Variants in SLC6A15 observed in about 807,000 individuals in gnomAD.
SLC6A15 encodes solute carrier family 6 member 15, also known as sodium-dependent neutral amino acid transporter B(0)AT2.
A neutral mutation model predicts 68.5 loss-of-function variants in SLC6A15; 33 were observed. That is an observed-to-expected ratio of 0.48 (90% CI 0.37 to 0.64). The LOEUF (loss-of-function observed/expected upper bound fraction) is 0.64. SLC6A15 is among the 30% of genes least tolerant of loss of function. The probability of loss-of-function intolerance (pLI) is 0.00; values close to 1 mark genes in which losing one functional copy is unlikely to be tolerated. For missense variants in SLC6A15, 747 were observed against 874.3 expected (o/e 0.85, Z 1.84); for synonymous variants, 347 against 301.0 (o/e 1.15, Z -1.58).
chr12:84,866,047 C>T (rs561523468), intron 10 of SLC6A15, among the ~76,000 whole-genome samples: 1 of 152,224 alleles, frequency 6.6e-6, no homozygotes, highest in Non-Finnish European at 1.5e-5. Context: ...GCTTCCTGAC[C>T]TGGAGCTTTT....
intron 5 of SLC6A15, among the ~76,000 whole-genome samples, chr12:84,880,083 G>A (rs1871750918): frequency 6.6e-6 from 1 of 152,068 alleles, no homozygotes; most frequent in Non-Finnish European, 1.5e-5. Context: ...CTCTAACACA[G>A]TTTCCTAATA....
At chr12:84,881,569 TAA>T in intron 5 of SLC6A15, 1 of 985,406 alleles carries the variant, frequency 1.0e-6, no homozygotes, top group Non-Finnish European at 1.2e-6. Flanking sequence ...ACCCCTCTTT[TAA>T]TTCATGCAGT....
At position 84,876,614 on chromosome 12, in the gene SLC6A15, A is replaced by G. The variant is rs1378808497; in HGVS notation, c.757-7T>C. On this transcript the variant is annotated splice_polypyrimidine_tract_variant and splice_region_variant and intron_variant, in intron 5 of 11. Transcript: ENST00000266682. The stretch of plus-strand genomic sequence containing the variant: ...GAGAACTAAAATATATGATCTGCAA[A>G]GAAATAAAAATAAAAATAAGTGAGA... 3 of 1,381,954 alleles carry G rather than the reference A, an allele frequency of 2.2e-6. No individual in the cohort carries two copies. 85.6% of individuals were successfully genotyped at this position (1,381,954 alleles called of 1,614,324 possible).
At position 84,863,695 on chromosome 12, in the gene SLC6A15, C is replaced by T. The variant is rs530413101; in HGVS notation, c.1656-94G>A. On this transcript the variant is annotated intron_variant, in intron 10 of 11. Coordinates refer to ENST00000266682, the MANE Select transcript of SLC6A15 (RefSeq NM_182767.6). Reference sequence around the variant, plus strand: ...TATTAATGGTCTGACAAACATTTACCATTGATACCCTATGACATTTTATAC... The same window carrying T: ...TATTAATGGTCTGACAAACATTTACTATTGATACCCTATGACATTTTATAC... 1.3e-5 allele frequency: 11 copies of T among 860,280 alleles called. No homozygotes were observed. The South Asian group carries it at 2.5e-4, about 19-fold the overall frequency. 53.3% of individuals were successfully genotyped at this position (860,280 alleles called of 1,614,324 possible).
rs142679020 is a variant in SLC6A15, at chr12:84,911,190, G to A, written c.-189+1333C>T. Among the ~76,000 whole-genome samples the A allele has an allele frequency of 6.5e-3, 995 of 152,276 alleles. 9 individuals are homozygous for A. Among genetic ancestry groups the A allele is most frequent in the African/African-American group, 0.022 (928 of 41,542 alleles). The stretch of plus-strand genomic sequence containing the variant: ...CAAACACTTTGTTGCTGGCACAGCA[G>A]AAAAGCAATCAGGCATTGACAGGTA... On this transcript the variant is annotated intron_variant, in intron 1 of 11. Coordinates refer to ENST00000266682, the MANE Select transcript of SLC6A15 (RefSeq NM_182767.6).
In SLC6A15 at chr12:84,886,087, A is replaced by C. The variant is rs1872089124; in HGVS notation, c.290-19T>G. ...TATGCACCTAAAGAAACAACAACAA[A>C]AAATAGATTATATTTTCAATACAGT... On this transcript the variant is annotated intron_variant, in intron 2 of 11. Transcript: ENST00000266682. 2 of 1,511,488 alleles carry C rather than the reference A, an allele frequency of 1.3e-6. No individual in the cohort carries two copies. 93.6% of individuals were successfully genotyped at this position (1,511,488 alleles called of 1,614,324 possible). A position where few individuals can be genotyped will look rare whatever the true frequency, so the allele number is the denominator to read the frequency against.
rs762963540 is a variant in SLC6A15, at chr12:84,872,652, ACT to A, written c.1250_1251del (p.Glu417ValfsTer10). ...CAGGAATTGAGATGAAGAGCAGGAAACTCTTCTTCTTTCACTTTTTGAATGAT... is the reference window on the plus strand; with the variant it reads ...CAGGAATTGAGATGAAGAGCAGGAAACTTCTTCTTTCACTTTTTGAATGAT... ...YDIIQKVKEEEFPALHLNSCK... is the reference protein window; with the variant it reads ...YDIIQKVKEEXFPALHLNSCK... On this transcript the variant is annotated frameshift_variant, in exon 8 of 12. Coordinates refer to ENST00000266682, the MANE Select transcript of SLC6A15 (RefSeq NM_182767.6). LOFTEE classifies it high-confidence loss of function. The A allele has an allele frequency of 3.1e-6, 5 of 1,610,762 alleles. No homozygotes were observed. Among genetic ancestry groups the A allele is most frequent in the Non-Finnish European group, 4.2e-6 (5 of 1,179,244 alleles).
chr12:84,900,206 T>G (rs1450012017), intron 1 of SLC6A15, among the ~76,000 whole-genome samples: 1 of 152,068 alleles, frequency 6.6e-6, no homozygotes, highest in Non-Finnish European at 1.5e-5. Context: ...CAACTTTTGT[T>G]AAATTTATTT....
chr12:84,868,312 C>T (rs936509697), intron 9 of SLC6A15, among the ~76,000 whole-genome samples: 2 of 152,130 alleles, frequency 1.3e-5, no homozygotes, highest in Admixed American at 1.3e-4. Context: ...AATAATATTG[C>T]ATTCTCTTAC....
intron 9 of SLC6A15, among the ~76,000 whole-genome samples, chr12:84,869,136 T>C (rs1267600058): frequency 6.6e-6 from 1 of 152,120 alleles, no homozygotes; most frequent in Non-Finnish European, 1.5e-5. Context: ...TTGAGACTTA[T>C]TTAGACATAT....
At chr12:84,882,379 G>A (rs1871860067) in intron 5 of SLC6A15, 1 of 978,386 alleles carries the variant, frequency 1.0e-6, no homozygotes, top group African/African-American at 1.8e-5. Flanking sequence ...CATTGCCAAA[G>A]ACTTAAAGAT....
Position 84,869,449 on chromosome 12 carries a change from A to T in SLC6A15, c.1495+1029T>A, listed in dbSNP as rs1005418338. ...TGCTGCACTCCAGCCTGGGCGACAGAGCAAGACTCCGTCTCAAAAAAAAAA... is the reference window on the plus strand; with the variant it reads ...TGCTGCACTCCAGCCTGGGCGACAGTGCAAGACTCCGTCTCAAAAAAAAAA... On this transcript the variant is annotated intron_variant, in intron 9 of 11. Coordinates refer to ENST00000266682, the MANE Select transcript of SLC6A15 (RefSeq NM_182767.6). Among the ~76,000 whole-genome samples, 5 of 133,054 alleles carry T rather than the reference A, an allele frequency of 3.8e-5. No individual in the cohort carries two copies. The East Asian group carries it at 8.6e-4, about 23-fold the overall frequency. The allele number at this position is 133,054 out of a possible 152,430, so 87.3% of individuals were successfully genotyped here. A position where few individuals can be genotyped will look rare whatever the true frequency, so the allele number is the denominator to read the frequency against.
At chr12:84,908,043 G>C (rs1873252237) in intron 1 of SLC6A15, among the ~76,000 whole-genome samples, 1 of 152,154 alleles carries the variant, frequency 6.6e-6, no homozygotes, top group Non-Finnish European at 1.5e-5. Flanking sequence ...CTGGGGACTG[G>C]AGTGAAGTGG....
chr12:84,897,465 G>A (rs1872678698), intron 1 of SLC6A15, among the ~76,000 whole-genome samples: 1 of 151,878 alleles, frequency 6.6e-6, no homozygotes, highest in African/African-American at 2.4e-5. Context: ...AAGAAAAGCA[G>A]AGGTTTTGCT....
intron 5 of SLC6A15, among the ~76,000 whole-genome samples, chr12:84,876,958 G>A (rs921799331): frequency 6.6e-6 from 1 of 151,992 alleles, no homozygotes; most frequent in African/African-American, 2.4e-5. Flanking sequence ...CTTTTTTGTT[G>A]TTGTTCTAAG....
At chr12:84,911,757 G>T (rs1176716567) in intron 1 of SLC6A15, among the ~76,000 whole-genome samples, 2 of 152,110 alleles carry the variant, frequency 1.3e-5, no homozygotes, top group African/African-American at 2.4e-5. Flanking sequence ...GTGAAAGAAA[G>T]GTAGAAACGA....
intron 1 of SLC6A15, among the ~76,000 whole-genome samples, chr12:84,894,741 A>C (rs528842754): frequency 2.6e-5 from 4 of 152,272 alleles, no homozygotes; most frequent in Non-Finnish European, 5.9e-5. Context: ...ACCAATTTAC[A>C]TAAGTTATCC....
rs61020514 is a variant in SLC6A15, at chr12:84,883,122, G to T, written c.756+737C>A. ...TGCTATGATCCAGCCAAGAGATGTG[G>T]AGAGCTTTAGAACAATGGCTGTGAT... On this transcript the variant is annotated intron_variant, in intron 5 of 11. Coordinates refer to ENST00000266682, the MANE Select transcript of SLC6A15 (RefSeq NM_182767.6). 9.9e-3 allele frequency: 9,685 copies of T among 981,160 alleles called. 577 individuals are homozygous for T. In the African/African-American group the frequency reaches 0.14, roughly 14 times the overall value. The allele number at this position is 981,160 out of a possible 1,614,324, so 60.8% of individuals were successfully genotyped here.
chr12:84,904,884 A>G (rs1319540935), intron 1 of SLC6A15, among the ~76,000 whole-genome samples: 1 of 152,194 alleles, frequency 6.6e-6, no homozygotes, highest in African/African-American at 2.4e-5. Context: ...TTAGCCAATA[A>G]GAAATAGAAC....
Sources: allele counts gnomAD v4.1 joint callset (sites outside exome capture counted in the v4.1 genomes callset), GRCh38; gene constraint gnomAD v4.1.1; transcripts MANE v1.5; gene names NCBI Gene and HGNC (gene_info 2026-07-23, HGNC 2026-07-21).